The following STAB2 variants were observed in gnomAD, a reference collection of about 807,000 sequenced individuals.
The protein encoded by STAB2 is stabilin-2.
STAB2 carries 288 observed loss-of-function variants against 338.1 expected under a neutral mutation model. The observed-to-expected ratio is 0.85, with a 90% CI of 0.77 to 0.94. The LOEUF is 0.94. STAB2 is among the 40% of genes least tolerant of loss of function. The pLI is 0.00. For missense variants in STAB2, 3,141 were observed against 3,210.1 expected, an observed-to-expected ratio of 0.98 and a Z score of 0.52; for synonymous variants, 1,202 against 1,193.3, an observed-to-expected ratio of 1.01 and a Z score of -0.15.
chr12:103,766,545 GCTCTTCTTCCTTTGTA>G lies in STAB2; in HGVS notation c.*216_*231del. ...TACAGCTTCCTCCTCTGACCCTTTGGCTCTTCTTCCTTTGTACTCTTCAGCTGGCACCTGCTCCATT... is the reference window on the plus strand; with the variant it reads ...TACAGCTTCCTCCTCTGACCCTTTGGCTCTTCAGCTGGCACCTGCTCCATT... On this transcript the variant is annotated 3_prime_UTR_variant, in exon 69 of 69. Coordinates refer to ENST00000388887, the MANE Select transcript of STAB2 (RefSeq NM_017564.10). The G allele has an allele frequency of 1.8e-6, 1 of 565,132 alleles. No homozygotes were observed. Among genetic ancestry groups the G allele is most frequent in the African/African-American group, 1.9e-5 (1 of 53,044 alleles). The allele number at this position is 565,132 out of a possible 1,614,324, so 35.0% of individuals were successfully genotyped here.
rs1197118446 is a variant in STAB2, at chr12:103,673,146, T to C, written c.2372-761T>C. On this transcript the variant is annotated intron_variant, in intron 22 of 68. Transcript: ENST00000388887. ...AGTGAAAAACAAACATATTAGCTAC[T>C]TATCAGGAGTCCTGCCAGCATGGGA... 2.0e-5 allele frequency among the ~76,000 whole-genome samples: 3 copies of C among 152,180 alleles called. No individual in the cohort carries two copies. The East Asian group carries it at 5.8e-4, about 29-fold the overall frequency.
rs1379360584 is a variant in STAB2, at chr12:103,753,154, T to A, written c.6581-66T>A. Reference sequence around the variant, plus strand: ...CCTTCATTTTGAAAGTCCTTCAGAGTCCATTGTTGGAAACACTGCCAACCT... The same window carrying A: ...CCTTCATTTTGAAAGTCCTTCAGAGACCATTGTTGGAAACACTGCCAACCT... On this transcript the variant is annotated intron_variant, in intron 60 of 68. Transcript: ENST00000388887. The A allele has an allele frequency of 1.9e-6, 3 of 1,590,772 alleles. No homozygotes were observed. In the African/African-American group the frequency reaches 4.0e-5, roughly 21 times the overall value.
chr12:103,741,278 T>C (rs1202777127), intron 55 of STAB2, among the ~76,000 whole-genome samples: 1 of 152,192 alleles, frequency 6.6e-6, no homozygotes, highest in African/African-American at 2.4e-5. Flanking sequence ...TGTTAACTTC[T>C]AGCCAACAAT....
intron 44 of STAB2, among the ~76,000 whole-genome samples, chr12:103,720,729 C>T (rs1880695848): frequency 6.6e-6 from 1 of 152,182 alleles, no homozygotes; most frequent in East Asian, 1.9e-4. Flanking sequence ...ATTTGTGCTG[C>T]TTTAACAGCA....
Position 103,660,712 on chromosome 12 carries a change from T to TCA in STAB2, c.1821_1822dup (p.Ile608ThrfsTer42), listed in dbSNP as rs776464514. The TCA allele has an allele frequency of 1.9e-6, 3 of 1,614,068 alleles. No homozygotes were observed. Among genetic ancestry groups the TCA allele is most frequent in the Non-Finnish European group, 2.5e-6 (3 of 1,179,994 alleles). ...AAGTGGCCACTCTCATCTCCACCCC[T>TCA]CACATCAGGAGCATGGCCAACCAGC... On this transcript the variant is annotated frameshift_variant, in exon 17 of 69. Transcript: ENST00000388887. LOFTEE classifies it high-confidence loss of function.
chr12:103,704,580 C>G lies in STAB2; in HGVS notation c.3866C>G (p.Ser1289Ter). The G allele has an allele frequency of 6.2e-7, 1 of 1,613,712 alleles. No individual in the cohort carries two copies. Among genetic ancestry groups the G allele is most frequent in the Non-Finnish European group, 8.5e-7 (1 of 1,179,876 alleles). The part of the protein sequence containing the change: ...IIRGRCRTCS[S>*]ELTCPFGTKS... ...AAGGGAAGATGTAGGACATGCTCCT[C>G]AGAGCTGACCTGCCCATTCGGAACT... The change falls in exon 36 of 69, where the codon TCA (serine) becomes TGA (stop). Residue 1289 changes from serine to a stop codon, truncating the protein, a stop_gained. Coordinates refer to ENST00000388887, the MANE Select transcript of STAB2 (RefSeq NM_017564.10). LOFTEE classifies it high-confidence loss of function.
At chr12:103,655,422 G>C (rs1364313128) in intron 14 of STAB2, 34 bp from the exon 15 acceptor site, 1 of 1,612,708 alleles carries the variant, frequency 6.2e-7, no homozygotes, top group Admixed American at 1.7e-5. Flanking sequence ...TCCAAGGTAG[G>C]CTGCAGATAC....
chr12:103,763,322 G>A (rs558487851), intron 67 of STAB2, 170 bp from the exon 68 acceptor site: 131 of 638,042 alleles, frequency 2.1e-4, no homozygotes, highest in African/African-American at 2.0e-3. Context: ...TCACTGAGCT[G>A]AATCTAAAGG....
In STAB2 at chr12:103,590,946, G is replaced by A. The variant is rs367567971; in HGVS notation, c.131G>A (p.Arg44Gln). The A allele has an allele frequency of 1.3e-4, 212 of 1,613,994 alleles. 2 individuals are homozygous for A. In the South Asian group the frequency reaches 1.4e-3, roughly 11 times the overall value. ...KSLLTIRTEC[R>Q]SCALNLGVKC... ...CTTCTTACAATTAGGACCGAGTGCC[G>A]ATCCTGCGCTCTCAACCTTGGAGTC... The change falls in exon 2 of 69, where the codon CGA becomes CAA. Residue 44 changes from arginine (R) to glutamine (Q), a missense_variant. Physicochemically the swap from Arg to Gln is conservative, Grantham distance 43. Coordinates refer to ENST00000388887, the MANE Select transcript of STAB2 (RefSeq NM_017564.10).
chr12:103,755,590 C>A (rs751622820), intron 62 of STAB2, 22 bp from the exon 63 acceptor site: 2 of 1,613,700 alleles, frequency 1.2e-6, no homozygotes, highest in Non-Finnish European at 1.7e-6. Flanking sequence ...TGTGTGGGAC[C>A]CTGTGTGCCT....
At chr12:103,699,259 G>A (rs1878659662) in intron 34 of STAB2, 32 bp downstream of exon 34, 3 of 1,569,854 alleles carry the variant, frequency 1.9e-6, no homozygotes, top group African/African-American at 2.7e-5. Flanking sequence ...CCCCAGCAAT[G>A]CCACCGAGAA....
chr12:103,744,005 A>G (rs1882797805), intron 56 of STAB2, among the ~76,000 whole-genome samples: 1 of 152,190 alleles, frequency 6.6e-6, no homozygotes, highest in Admixed American at 6.5e-5. Context: ...TGGGGAGGGT[A>G]TCTGTAGGAG....
At chr12:103,683,409 C>T (rs933533928) in intron 26 of STAB2, 109 bp downstream of exon 26, 49 of 916,712 alleles carry the variant, frequency 5.3e-5, no homozygotes, top group Non-Finnish European at 7.5e-5. Flanking sequence ...ATCTCTTACC[C>T]CCAAAAGGGA....
At chr12:103,750,865 T>C in intron 60 of STAB2, 145 bp downstream of exon 60, 3 of 1,148,258 alleles carry the variant, frequency 2.6e-6, no homozygotes, top group Non-Finnish European at 1.2e-6. Context: ...CCAAGGCAGA[T>C]GGATCACTTG....
At chr12:103,672,203 A>G (rs909391317) in intron 22 of STAB2, among the ~76,000 whole-genome samples, 7 of 152,202 alleles carry the variant, frequency 4.6e-5, no homozygotes, top group Admixed American at 4.6e-4. Context: ...GATCTTCACA[A>G]ATAACTCTCA....
intron 53 of STAB2, among the ~76,000 whole-genome samples, chr12:103,739,144 ATTT>A (rs10711740): frequency 2.0e-5 from 3 of 146,828 alleles, no homozygotes; most frequent in African/African-American, 2.5e-5. Flanking sequence ...TGCCTGGCTA[ATTT>A]TTTTTTTTTT....
intron 22 of STAB2, among the ~76,000 whole-genome samples, chr12:103,671,653 C>T (rs703640): frequency 0.16 from 24,319 of 152,124 alleles, 2,037 homozygotes; most frequent in East Asian, 0.21. Context: ...GCCTTAGAAC[C>T]ATGCCTAGTA....
At chr12:103,685,233 T>A in intron 27 of STAB2, 149 bp downstream of exon 27, 1 of 732,826 alleles carries the variant, frequency 1.4e-6, no homozygotes, top group Non-Finnish European at 2.2e-6. Flanking sequence ...ACATACATGC[T>A]CTGTGGGTCA....
Position 103,587,409 on chromosome 12 carries a change from A to G in STAB2, c.-68A>G. On this transcript the variant is annotated 5_prime_UTR_variant, in exon 1 of 69. Transcript: ENST00000388887. ...AGAAAGAATTCACTGGGAGTTTATCAAACTAAGTTAAAATAGCTAAGTCAG... is the reference window on the plus strand; with the variant it reads ...AGAAAGAATTCACTGGGAGTTTATCGAACTAAGTTAAAATAGCTAAGTCAG... 7.8e-7 allele frequency: 1 copy of G among 1,283,912 alleles called. No homozygotes were observed. Among genetic ancestry groups the G allele is most frequent in the Non-Finnish European group, 1.1e-6 (1 of 900,366 alleles). The allele number at this position is 1,283,912 out of a possible 1,614,324, so 79.5% of individuals were successfully genotyped here. A position where few individuals can be genotyped will look rare whatever the true frequency, so the allele number is the denominator to read the frequency against.
Sources: allele counts gnomAD v4.1 joint callset (sites outside exome capture counted in the v4.1 genomes callset), GRCh38; gene constraint gnomAD v4.1.1; transcripts MANE v1.5; gene names NCBI Gene and HGNC (gene_info 2026-07-23, HGNC 2026-07-21).